The following DCHS2 variants were observed in gnomAD, a reference collection of about 807,000 sequenced individuals.
DCHS2 encodes dachsous cadherin-related 2, also known as protocadherin-23.
A neutral mutation model predicts 182.4 loss-of-function variants in DCHS2; 142 were observed. The observed-to-expected ratio is 0.78, with a 90% CI of 0.68 to 0.89. The LOEUF is 0.89. DCHS2 is among the 40% of genes least tolerant of loss of function. The pLI is 0.00. For missense variants in DCHS2, 4,319 were observed against 4,198.6 expected, an observed-to-expected ratio of 1.03 and a Z score of -0.79; for synonymous variants, 1,740 against 1,663.3, an observed-to-expected ratio of 1.05 and a Z score of -1.12.
intron 1 of DCHS2, among the ~76,000 whole-genome samples, chr4:154,464,259 G>A (rs1735145559): frequency 6.6e-6 from 1 of 152,052 alleles, no homozygotes; most frequent in African/African-American, 2.4e-5. Flanking sequence ...AGTATTTGCA[G>A]GAAAAAAACT....
chr4:154,361,336 GA>G (rs2110755889), intron 3 of DCHS2, among the ~76,000 whole-genome samples: 2 of 151,392 alleles, frequency 1.3e-5, no homozygotes, highest in Admixed American at 6.6e-5. Flanking sequence ...AATAAAAGTT[GA>G]AAAAAAAGTA....
At chr4:154,341,227 G>T (rs1729071122) in intron 3 of DCHS2, among the ~76,000 whole-genome samples, 1 of 151,954 alleles carries the variant, frequency 6.6e-6, no homozygotes, top group African/African-American at 2.4e-5. Flanking sequence ...AAATTAGCCG[G>T]GCGTGGTGGC....
intron 1 of DCHS2, among the ~76,000 whole-genome samples, chr4:154,426,882 T>G (rs774188488): frequency 6.6e-6 from 1 of 152,226 alleles, no homozygotes; most frequent in Non-Finnish European, 1.5e-5. Context: ...CCATTTACCC[T>G]GATGTGATTA....
At chr4:154,354,221 C>T (rs1009243542) in intron 3 of DCHS2, among the ~76,000 whole-genome samples, 5 of 152,204 alleles carry the variant, frequency 3.3e-5, no homozygotes, top group Admixed American at 1.3e-4. Context: ...CCACTGCACC[C>T]GGCTTGAAGA....
At chr4:154,367,822 C>A (rs556204988) in intron 2 of DCHS2, among the ~76,000 whole-genome samples, 21 of 152,120 alleles carry the variant, frequency 1.4e-4, no homozygotes, top group African/African-American at 4.3e-4. Context: ...AGAACTGCTG[C>A]CATGCAGAGA....
rs376262021 is a variant in DCHS2 at position 154,234,723 on chromosome 4, C to T, written c.9929G>A (p.Arg3310His). Reference sequence around the variant, plus strand: ...ACCAAGATGGTAGGGGATGGGAGAGCGTGGGTGTTTCGGAGGCACCTGCCC... The same window carrying T: ...ACCAAGATGGTAGGGGATGGGAGAGTGTGGGTGTTTCGGAGGCACCTGCCC... ...NLGQVPPKHP[R>H]SPIPYHLGSL... Residue 3310 changes from arginine (R) to histidine (H), a missense_variant, in exon 20 of 20, where the codon CGC (arginine) becomes CAC (histidine). Coordinates refer to ENST00000357232, the MANE Select transcript of DCHS2 (RefSeq NM_001358235.2). The T allele has an allele frequency of 1.7e-5, 28 of 1,613,298 alleles. No homozygotes were observed. The highest frequency in any genetic ancestry group is 3.3e-4 in the Middle Eastern group (2 of 6,078).
At chr4:154,363,424 C>G (rs765015285) in intron 3 of DCHS2, among the ~76,000 whole-genome samples, 1 of 152,048 alleles carries the variant, frequency 6.6e-6, no homozygotes, top group African/African-American at 2.4e-5. Context: ...AATGGATGAA[C>G]CTCAAGAACA....
intron 1 of DCHS2, among the ~76,000 whole-genome samples, chr4:154,417,204 T>TGAGAGAGAGAGA (rs70947163): frequency 0.017 from 663 of 39,350 alleles, 62 homozygotes; most frequent in East Asian, 0.12. Flanking sequence ...TGTGTGTGTG[T>TGAGAGAGAGAGA]GAGAGAGAGA....
intron 14 of DCHS2, among the ~76,000 whole-genome samples, chr4:154,261,334 T>C (rs767779591): frequency 1.3e-5 from 2 of 152,220 alleles, no homozygotes; most frequent in African/African-American, 4.8e-5. Context: ...TGTAGTAACA[T>C]GTAGATTCCA....
intron 3 of DCHS2, among the ~76,000 whole-genome samples, chr4:154,352,253 G>C (rs917528226): frequency 1.3e-5 from 2 of 152,162 alleles, no homozygotes; most frequent in Non-Finnish European, 1.5e-5. Context: ...CAACCTGCCA[G>C]ACTAAATATG....
At chr4:154,378,669 A>T (rs892541493) in intron 1 of DCHS2, among the ~76,000 whole-genome samples, 1 of 152,198 alleles carries the variant, frequency 6.6e-6, no homozygotes, top group African/African-American at 2.4e-5. Context: ...AGATCAGACA[A>T]GTCAGGCTCA....
chr4:154,490,717 G>C lies in DCHS2; in HGVS notation c.639C>G (p.Pro213=). 1.9e-6 allele frequency: 3 copies of C among 1,551,624 alleles called. No individual in the cohort carries two copies. The highest frequency in any genetic ancestry group is 8.7e-7 in the Non-Finnish European group (1 of 1,146,914). ...GYTLVQPSDL[P]KDPAGPFFQL... Reference sequence around the variant, plus strand: ...GGAAGAACGGGCCTGCGGGGTCCTTGGGCAGGTCGGACGGTTGCACCAGGG... The same window carrying C: ...GGAAGAACGGGCCTGCGGGGTCCTTCGGCAGGTCGGACGGTTGCACCAGGG... The change falls in exon 1 of 20, where the codon CCC becomes CCG. Residue 213 remains proline (P), a synonymous_variant. Transcript: ENST00000357232.
intron 1 of DCHS2, among the ~76,000 whole-genome samples, chr4:154,392,278 T>C (rs777874662): frequency 2.0e-5 from 3 of 152,210 alleles, no homozygotes; most frequent in Admixed American, 6.5e-5. Context: ...ATTTGACTTT[T>C]ATCTTTTAGC....
intron 1 of DCHS2, among the ~76,000 whole-genome samples, chr4:154,403,005 CT>C (rs1157962119): frequency 1.3e-5 from 2 of 152,144 alleles, no homozygotes; most frequent in African/African-American, 4.8e-5. Flanking sequence ...AAAACAATTG[CT>C]TGTGGTATAT....
At chr4:154,444,283 G>A (rs1729204360) in intron 1 of DCHS2, among the ~76,000 whole-genome samples, 1 of 152,060 alleles carries the variant, frequency 6.6e-6, no homozygotes, top group South Asian at 2.1e-4. Context: ...AACAATGTAT[G>A]CCTAGCTGTT....
chr4:154,239,751 C>T (rs997244429), intron 18 of DCHS2, among the ~76,000 whole-genome samples: 27 of 152,102 alleles, frequency 1.8e-4, no homozygotes, highest in African/African-American at 4.8e-4. Flanking sequence ...TCAGGTGATC[C>T]GCCCACCTCA....
chr4:154,394,609 C>T (rs1044998426), intron 1 of DCHS2, among the ~76,000 whole-genome samples: 2 of 152,120 alleles, frequency 1.3e-5, no homozygotes, highest in African/African-American at 2.4e-5. Flanking sequence ...GCTCGATAAT[C>T]CTATCAGGGT....
intron 6 of DCHS2, among the ~76,000 whole-genome samples, chr4:154,329,151 A>G (rs572101317): frequency 6.6e-6 from 1 of 152,298 alleles, no homozygotes; most frequent in African/African-American, 2.4e-5. Context: ...CCCTACCCTT[A>G]AGTAACTATC....
chr4:154,305,297 T>A, intron 10 of DCHS2, 66 bp from the exon 11 acceptor site: 2 of 1,522,988 alleles, frequency 1.3e-6, no homozygotes, highest in African/African-American at 2.8e-5. Flanking sequence ...CACTTTCCTA[T>A]TTCTTTTCCT....
Sources: allele counts gnomAD v4.1 joint callset (sites outside exome capture counted in the v4.1 genomes callset), GRCh38; gene constraint gnomAD v4.1.1; transcripts MANE v1.5; gene names NCBI Gene and HGNC (gene_info 2026-07-23, HGNC 2026-07-21).